Variants in AXL observed in about 807,000 individuals in gnomAD.
AXL encodes AXL receptor tyrosine kinase.
Under a neutral mutation model 104.5 loss-of-function variants are expected in AXL, and 52 were observed. That is an observed-to-expected ratio of 0.50 (90% CI 0.40 to 0.63). The LOEUF (loss-of-function observed/expected upper bound fraction) is 0.63. Ranked by LOEUF, AXL falls within the 20% of genes least tolerant of loss-of-function variation. The pLI is 0.00. For missense variants in AXL, 1,024 were observed against 1,188.5 expected (o/e 0.86, Z 2.04); for synonymous variants, 455 against 473.7 (o/e 0.96, Z 0.51).
intron 6 of AXL, among the ~76,000 whole-genome samples, chr19:41,236,942 T>C (rs1002507040): frequency 1.2e-4 from 18 of 152,236 alleles, no homozygotes; most frequent in South Asian, 6.2e-4. Flanking sequence ...TGAGATTTGT[T>C]TGTGATTTTT....
intron 15 of AXL, 128 bp from the exon 16 acceptor site, chr19:41,252,718 A>G: frequency 6.6e-7 from 1 of 1,505,332 alleles, no homozygotes; most frequent in Non-Finnish European, 8.9e-7. Context: ...TGCCACTGCC[A>G]CTACCCCCAA....
intron 4 of AXL, chr19:41,226,909 C>A (rs957052643): frequency 3.7e-6 from 2 of 535,854 alleles, no homozygotes; most frequent in South Asian, 8.3e-5. Context: ...GCCTGGGCAA[C>A]GTGGTGAGAC....
rs768561674 is a variant in AXL, at chr19:41,220,784, C to T, written c.234C>T (p.Leu78=). The change falls in exon 2 of 20, where the codon CTC becomes CTT. Residue 78 remains leucine, a synonymous_variant. Coordinates refer to ENST00000301178, the MANE Select transcript of AXL (RefSeq NM_021913.5). Reference sequence around the variant, plus strand: ...TTCGGGATGGACAGATCCTGGAGCTCGCGGACAGCACCCAGACCCAGGTGC... The same window carrying T: ...TTCGGGATGGACAGATCCTGGAGCTTGCGGACAGCACCCAGACCCAGGTGC... ...HWLRDGQILE[L]ADSTQTQVPL... is the part of the protein sequence containing the mutation. The T allele has an allele frequency of 5.6e-6, 9 of 1,614,104 alleles. No individual in the cohort carries two copies. Among genetic ancestry groups the T allele is most frequent in the Middle Eastern group, 1.6e-4 (1 of 6,062 alleles).
Position 41,259,626 on chromosome 19 carries a change from T to C in AXL, c.2407T>C (p.Leu803=), listed in dbSNP as rs779490038. ...RPSFTELRED[L]ENTLKALPPA... ...AAGTTTTACAGAGCTGCGGGAAGAT[T>C]TGGAGAACACACTGAAGGCCTTGCC... The change falls in exon 20 of 20, where the codon TTG becomes CTG. Residue 803 remains leucine, a synonymous_variant. Transcript: ENST00000301178. The C allele has an allele frequency of 9.3e-6, 15 of 1,613,794 alleles. No homozygotes were observed. The highest frequency in any genetic ancestry group is 1.0e-5 in the Non-Finnish European group (12 of 1,179,984).
intron 4 of AXL, chr19:41,226,828 G>A: frequency 1.0e-6 from 1 of 982,676 alleles, no homozygotes; most frequent in African/African-American, 1.7e-5. Flanking sequence ...GCACCGAGTG[G>A]CTCTGCCTGC....
intron 1 of AXL, 84 bp downstream of exon 1, chr19:41,219,561 G>A (rs971941285): frequency 2.7e-6 from 4 of 1,463,984 alleles, no homozygotes; most frequent in African/African-American, 2.8e-5. Context: ...TGGCAGGTGT[G>A]GGGGGCCTGG....
chr19:41,228,953 TTTC>T (rs1385754569), intron 4 of AXL, among the ~76,000 whole-genome samples: 1 of 115,016 alleles, frequency 8.7e-6, no homozygotes, highest in Non-Finnish European at 1.7e-5. Context: ...TTTTCTTTTC[TTTC>T]TTTTTTTTTT....
intron 1 of AXL, among the ~76,000 whole-genome samples, chr19:41,219,849 T>C (rs1709122): frequency 0.52 from 78,184 of 150,678 alleles, 20,759 homozygotes; most frequent in African/African-American, 0.64. Flanking sequence ...AGTCAGGCAG[T>C]GGGATGAGGA....
chr19:41,257,617 G>A lies in AXL; in HGVS notation c.2321G>A (p.Cys774Tyr), dbSNP rs2034475367. Residue 774 changes from cysteine (C) to tyrosine (Y), a missense_variant, in exon 19 of 20, where the codon TGT (cysteine) becomes TAT (tyrosine). Physicochemically the swap from Cys to Tyr is radical, Grantham distance 194 (BLOSUM62 -2). Coordinates refer to ENST00000301178, the MANE Select transcript of AXL (RefSeq NM_021913.5). ...QGNRLKQPAD[C>Y]LDGLYALMSR... ...AATCGCCTGAAGCAGCCTGCGGACT[G>A]TCTGGATGGACTGTGAGGACCCTTA... 3 of 1,614,190 alleles carry A rather than the reference G, an allele frequency of 1.9e-6. No individual in the cohort carries two copies. Among genetic ancestry groups the A allele is most frequent in the Non-Finnish European group, 2.5e-6 (3 of 1,180,020 alleles).
intron 4 of AXL, among the ~76,000 whole-genome samples, chr19:41,225,310 G>A (rs1245255881): frequency 6.6e-6 from 1 of 152,210 alleles, no homozygotes; most frequent in Non-Finnish European, 1.5e-5. Context: ...CAGCGCAAAT[G>A]TGTTTTTGTA....
At chr19:41,244,930 T>C (rs1427823766) in intron 12 of AXL, among the ~76,000 whole-genome samples, 1 of 138,108 alleles carries the variant, frequency 7.2e-6, no homozygotes, top group African/African-American at 3.0e-5. Context: ...CTGAAGTCTA[T>C]ACTATTTTTT....
intron 14 of AXL, among the ~76,000 whole-genome samples, chr19:41,252,100 G>A (rs2034372875): frequency 7.2e-6 from 1 of 138,444 alleles, no homozygotes; most frequent in African/African-American, 2.7e-5. Context: ...ACAACAGAGT[G>A]AGACTCCATC....
chr19:41,221,980 C>G lies in AXL; in HGVS notation c.510C>G (p.Asp170Glu), dbSNP rs2122199352. 16 of 1,611,312 alleles carry G rather than the reference C, an allele frequency of 9.9e-6. No homozygotes were observed. The highest frequency in any genetic ancestry group is 1.4e-5 in the Non-Finnish European group (16 of 1,178,950). The change falls in exon 4 of 20, where the codon GAC (aspartate) becomes GAG (glutamate). Residue 170 changes from aspartate (D) to glutamate (E), a missense_variant. Physicochemically the swap from Asp to Glu is conservative, Grantham distance 45. Coordinates refer to ENST00000301178, the MANE Select transcript of AXL (RefSeq NM_021913.5). ...CTCAGGGACCCCCAGAGCCCGTGGA[C>G]CTACTCTGGCTCCAGGATGCTGTCC... ...CQAQGPPEPV[D>E]LLWLQDAVPL... is the part of the protein sequence containing the mutation.
intron 9 of AXL, among the ~76,000 whole-genome samples, 165 bp from the exon 10 acceptor site, chr19:41,239,529 T>G (rs1398313252): frequency 6.6e-6 from 1 of 151,270 alleles, no homozygotes; most frequent in African/African-American, 2.4e-5. Context: ...CCTCACTCCC[T>G]TACCCGTGCC....
intron 18 of AXL, 71 bp from the exon 19 acceptor site, chr19:41,257,422 C>A (rs780572552): frequency 6.5e-5 from 103 of 1,589,156 alleles, no homozygotes; most frequent in Non-Finnish European, 8.5e-5. Context: ...GTGGGTGTAC[C>A]CATGAACCTG....
chr19:41,238,516 C>T lies in AXL; in HGVS notation c.1041C>T (p.Ser347=), dbSNP rs748983511. 3.1e-6 allele frequency: 5 copies of T among 1,614,070 alleles called. No individual in the cohort carries two copies. Among genetic ancestry groups the T allele is most frequent in the Non-Finnish European group, 4.2e-6 (5 of 1,179,976 alleles). The part of the protein sequence containing the change: ...PENISATRNG[S]QAFVHWQEPR... ...ACATTAGTGCTACGCGGAATGGGAG[C>T]CAGGCCTTCGTGCATTGGCAAGAGC... Residue 347 remains serine (S), a synonymous_variant, in exon 8 of 20, where the codon AGC becomes AGT. Transcript: ENST00000301178.
intron 17 of AXL, 62 bp from the exon 18 acceptor site, chr19:41,256,390 G>C: frequency 6.3e-7 from 1 of 1,580,558 alleles, no homozygotes; most frequent in Non-Finnish European, 8.7e-7. Flanking sequence ...TGAGAGCCAG[G>C]GCAGGCTTCC....
At chr19:41,220,264 C>A in intron 1 of AXL, 1 of 211,618 alleles carries the variant, frequency 4.7e-6, no homozygotes, top group East Asian at 1.2e-4. Flanking sequence ...CCACCCTTAT[C>A]TCTCTCCCCC....
At chr19:41,230,837 T>C (rs1232149895) in intron 4 of AXL, 130 bp from the exon 5 acceptor site, 51 of 908,942 alleles carry the variant, frequency 5.6e-5, no homozygotes, top group Non-Finnish European at 9.1e-5. Flanking sequence ...TAACCCTCCC[T>C]TCAGGCAAGT....
Sources: gnomAD v4.1 joint callset for allele counts (sites outside exome capture counted in the v4.1 genomes callset) on GRCh38, gnomAD v4.1.1 for gene constraint, MANE v1.5 for transcripts, NCBI Gene and HGNC (gene_info 2026-07-23, HGNC 2026-07-21) for gene names.